The following TMEM131 variants were observed in gnomAD, a reference collection of about 807,000 sequenced individuals.
The protein encoded by TMEM131 is 2610524E03Rik.
A neutral mutation model predicts 211.6 loss-of-function variants in TMEM131; 66 were observed. That is an observed-to-expected ratio of 0.31 (90% CI 0.26 to 0.38). The LOEUF (loss-of-function observed/expected upper bound fraction) is 0.38, where lower values mean the gene tolerates loss of function less well. Among genes scored for constraint, TMEM131 ranks in the 10% least tolerant of loss-of-function variants. The pLI, the probability that TMEM131 is intolerant of heterozygous loss-of-function variation, is 1.00. For synonymous variants in TMEM131, 844 were observed against 841.3 expected, an observed-to-expected ratio of 1.00 and a Z score of -0.06; for missense variants, 2,036 against 2,299.3, an observed-to-expected ratio of 0.89 and a Z score of 2.34.
chr2:97,870,988 CA>C (rs1362431709), intron 4 of TMEM131, among the ~76,000 whole-genome samples: 4 of 152,262 alleles, frequency 2.6e-5, no homozygotes, highest in African/African-American at 7.2e-5. Context: ...AAAAAGTCAT[CA>C]GAGAAAAATG....
chr2:97,777,617 C>T lies in TMEM131; in HGVS notation c.4145-1599G>A, dbSNP rs561947722. Among the ~76,000 whole-genome samples, 4 of 152,340 alleles carry T rather than the reference C, an allele frequency of 2.6e-5. No individual in the cohort carries two copies. In the South Asian group the frequency reaches 8.3e-4, roughly 32 times the overall value. Reference sequence around the variant, plus strand: ...AGCTAGAAAAAGAGTAAGTAAATCGCTTAGTGATTTCCAGGAATGTCATTT... The same window carrying T: ...AGCTAGAAAAAGAGTAAGTAAATCGTTTAGTGATTTCCAGGAATGTCATTT... On this transcript the variant is annotated intron_variant, in intron 31 of 40. Coordinates refer to ENST00000186436, the MANE Select transcript of TMEM131 (RefSeq NM_015348.2).
chr2:97,911,005 C>A (rs1236236548), intron 2 of TMEM131, among the ~76,000 whole-genome samples: 2 of 152,158 alleles, frequency 1.3e-5, no homozygotes, highest in South Asian at 2.1e-4. Context: ...TTTGTTACAG[C>A]TCAGTATTGG....
At chr2:97,865,578 C>T (rs540121477) in intron 4 of TMEM131, among the ~76,000 whole-genome samples, 1 of 152,172 alleles carries the variant, frequency 6.6e-6, no homozygotes, top group African/African-American at 2.4e-5. Flanking sequence ...GTTAAACCAA[C>T]CCTGCATTCT....
chr2:97,796,863 C>T lies in TMEM131; in HGVS notation c.2994G>A (p.Leu998=). 1 of 1,613,826 alleles carries T rather than the reference C, an allele frequency of 6.2e-7. No individual in the cohort carries two copies. The highest frequency in any genetic ancestry group is 8.5e-7 in the Non-Finnish European group (1 of 1,179,814). The part of the protein sequence containing the change: ...SSLRFKITEA[L]LKDCTDSLKL... ...ACTTACTATCTGTACAATCTTTTAACAATGCTTCCGTGATTTTAAAGCGTA... is the reference window on the plus strand; with the variant it reads ...ACTTACTATCTGTACAATCTTTTAATAATGCTTCCGTGATTTTAAAGCGTA... Residue 998 remains leucine (L), a synonymous_variant, in exon 27 of 41, where the codon TTG becomes TTA. Coordinates refer to ENST00000186436, the MANE Select transcript of TMEM131 (RefSeq NM_015348.2).
intron 12 of TMEM131, among the ~76,000 whole-genome samples, chr2:97,816,474 G>A (rs1231377875): frequency 6.6e-6 from 1 of 152,190 alleles, no homozygotes; most frequent in East Asian, 1.9e-4. Flanking sequence ...TATCCTCTTA[G>A]AGTACTTTAG....
chr2:97,943,016 GAAAAGAAAAGAAAAGAAAAGA>G (rs1422737548), intron 1 of TMEM131, among the ~76,000 whole-genome samples: 3,061 of 102,542 alleles, frequency 0.03, 96 homozygotes, highest in Non-Finnish European at 0.038. Flanking sequence ...AGAAAGAAAA[GAAAAGAAAAGAAAAGAAAAGA>G]AAAGAAAGAA....
intron 1 of TMEM131, among the ~76,000 whole-genome samples, chr2:97,938,423 A>G (rs1559460737): frequency 6.6e-6 from 1 of 152,220 alleles, no homozygotes; most frequent in Non-Finnish European, 1.5e-5. Flanking sequence ...AAATCAAAAG[A>G]GACAAAGAAG....
chr2:97,985,639 TA>T (rs1474746533), intron 1 of TMEM131, among the ~76,000 whole-genome samples: 2 of 144,772 alleles, frequency 1.4e-5, no homozygotes, highest in African/African-American at 5.2e-5. Flanking sequence ...TTACCTAAAA[TA>T]AAGTTAAAAC....
intron 11 of TMEM131, among the ~76,000 whole-genome samples, chr2:97,822,777 GAAAC>G (rs751984075): frequency 2.0e-5 from 3 of 152,052 alleles, no homozygotes; most frequent in Non-Finnish European, 2.9e-5. Context: ...GGGCTGGGGG[GAAAC>G]AAACAAACCA....
At chr2:97,846,380 T>C (rs1005939162) in intron 5 of TMEM131, among the ~76,000 whole-genome samples, 1 of 152,196 alleles carries the variant, frequency 6.6e-6, no homozygotes, top group Admixed American at 6.5e-5. Flanking sequence ...AATGCAATTC[T>C]AGTTCAACAT....
At chr2:97,864,588 T>C (rs1461027311) in intron 4 of TMEM131, among the ~76,000 whole-genome samples, 1 of 152,156 alleles carries the variant, frequency 6.6e-6, no homozygotes, top group Non-Finnish European at 1.5e-5. Context: ...TCCTTAAAGA[T>C]AGTGATTTAG....
chr2:97,987,020 G>A (rs1573657234), intron 1 of TMEM131, among the ~76,000 whole-genome samples: 2 of 152,206 alleles, frequency 1.3e-5, no homozygotes, highest in Non-Finnish European at 2.9e-5. Context: ...TAGGGCCCTT[G>A]CCATACCATG....
chr2:97,916,054 C>T (rs1438668037), intron 2 of TMEM131, among the ~76,000 whole-genome samples: 2 of 152,180 alleles, frequency 1.3e-5, no homozygotes, highest in Non-Finnish European at 2.9e-5. Context: ...GCTGGGACTA[C>T]AGGCATGTGC....
intron 1 of TMEM131, among the ~76,000 whole-genome samples, chr2:97,940,196 A>G (rs544928131): frequency 6.6e-6 from 1 of 152,312 alleles, no homozygotes; most frequent in South Asian, 2.1e-4. Context: ...AGAAAGAAAT[A>G]AAGGGGTATT....
At chr2:97,949,396 TAG>T (rs141546703) in intron 1 of TMEM131, among the ~76,000 whole-genome samples, 1 of 152,072 alleles carries the variant, frequency 6.6e-6, no homozygotes. Flanking sequence ...CACAAGGAAA[TAG>T]AGAGTGCACA....
At chr2:97,987,616 A>AT (rs1401466543) in intron 1 of TMEM131, among the ~76,000 whole-genome samples, 1 of 152,216 alleles carries the variant, frequency 6.6e-6, no homozygotes, top group South Asian at 2.1e-4. Context: ...AGTACGCAGC[A>AT]TTTTTTCTTG....
At chr2:97,894,332 C>CT (rs1449611116) in intron 3 of TMEM131, among the ~76,000 whole-genome samples, 1 of 152,246 alleles carries the variant, frequency 6.6e-6, no homozygotes, top group East Asian at 1.9e-4. Flanking sequence ...TAGCCTTGTT[C>CT]TTTTTGCTTA....
At chr2:97,870,896 A>G (rs923138835) in intron 4 of TMEM131, among the ~76,000 whole-genome samples, 38 of 152,192 alleles carry the variant, frequency 2.5e-4, no homozygotes, top group African/African-American at 8.7e-4. Flanking sequence ...TCTTTTATGG[A>G]AAGATTGGGT....
At chr2:97,989,633 AGAAAATAAATAAAT>A (rs1385837137) in intron 1 of TMEM131, among the ~76,000 whole-genome samples, 16 of 152,214 alleles carry the variant, frequency 1.1e-4, no homozygotes, top group African/African-American at 3.9e-4. Flanking sequence ...CCAAGTTTCT[AGAAAATAAATAAAT>A]GAAAATAAAT....
Sources: allele counts gnomAD v4.1 joint callset (sites outside exome capture counted in the v4.1 genomes callset), GRCh38; gene constraint gnomAD v4.1.1; transcripts MANE v1.5; gene names NCBI Gene and HGNC (gene_info 2026-07-23, HGNC 2026-07-21).